The following ZPBP variants were observed in gnomAD, a reference collection of about 807,000 sequenced individuals.
ZPBP encodes the protein zona pellucida binding protein, also known as zona pellucida-binding protein 1.
In ZPBP, 26 loss-of-function variants were observed where a neutral mutation model predicts 44.8. The observed-to-expected ratio is 0.58, with a 90% confidence interval of 0.43 to 0.81. The LOEUF is 0.81. Among genes scored for constraint, ZPBP ranks in the 30% least tolerant of loss-of-function variants. ZPBP has a pLI of 0.00. For synonymous variants in ZPBP, 174 were observed against 153.2 expected (o/e 1.14, Z -1.00); for missense variants, 409 against 434.0 (o/e 0.94, Z 0.51).
chr7:50,071,636 G>GA (rs970043892), intron 3 of ZPBP, among the ~76,000 whole-genome samples: 1 of 152,100 alleles, frequency 6.6e-6, no homozygotes, highest in Non-Finnish European at 1.5e-5. Flanking sequence ...GAGAGGAAAG[G>GA]AAAGAGTGGG....
At chr7:50,002,922 T>C (rs1048343782) in intron 6 of ZPBP, among the ~76,000 whole-genome samples, 1 of 152,178 alleles carries the variant, frequency 6.6e-6, no homozygotes, top group Admixed American at 6.6e-5. Context: ...ATAAAATGAT[T>C]GTTATGTTAC....
In ZPBP at chr7:49,875,807, G is replaced by A. The variant is rs186471912; in HGVS notation, n.510-25293C>T. On this transcript the variant is annotated intron_variant and non_coding_transcript_variant, in intron 2 of 2. Coordinates refer to the ZPBP transcript ENST00000465922. ...ACCAAAAAGTAACCATTTATTGTTAGTATTGGTATTATTATTCCTTTTTGC... is the reference window on the plus strand; with the variant it reads ...ACCAAAAAGTAACCATTTATTGTTAATATTGGTATTATTATTCCTTTTTGC... Among the ~76,000 whole-genome samples the A allele has an allele frequency of 1.4e-3, 215 of 152,278 alleles. 3 individuals carry two copies. Among genetic ancestry groups the A allele is most frequent in the East Asian group, 1.5e-3 (8 of 5,190 alleles).
chr7:49,847,218 T>C (rs1789976090), downstream of ZPBP, among the ~76,000 whole-genome samples: 1 of 148,128 alleles, frequency 6.8e-6, no homozygotes, highest in African/African-American at 2.5e-5. Context: ...CCTATTATAA[T>C]ATAATATAAT....
intron 7 of ZPBP, among the ~76,000 whole-genome samples, chr7:49,950,714 T>C (rs1795304056): frequency 6.6e-6 from 1 of 151,682 alleles, no homozygotes; most frequent in Admixed American, 6.6e-5. Flanking sequence ...AATAAAATAT[T>C]AGAGATTTTT....
intron 6 of ZPBP, among the ~76,000 whole-genome samples, chr7:49,988,906 T>C (rs1327979114): frequency 6.6e-6 from 1 of 152,232 alleles, no homozygotes; most frequent in Non-Finnish European, 1.5e-5. Flanking sequence ...GATCTTTGTT[T>C]TGTTTTTCAG....
chr7:49,879,125 T>C (rs1355628388), intron 2 of ZPBP, among the ~76,000 whole-genome samples: 1 of 152,170 alleles, frequency 6.6e-6, no homozygotes, highest in Non-Finnish European at 1.5e-5. Context: ...TTATCTCCAC[T>C]GCCTTCTTAA....
chr7:50,044,604 C>T (rs1284529814), intron 4 of ZPBP, among the ~76,000 whole-genome samples: 1 of 152,110 alleles, frequency 6.6e-6, no homozygotes, highest in Non-Finnish European at 1.5e-5. Context: ...TACACTCTCC[C>T]AAGACTAAAC....
At chr7:49,871,498 A>G (rs1224993783) in intron 2 of ZPBP, among the ~76,000 whole-genome samples, 2 of 152,216 alleles carry the variant, frequency 1.3e-5, no homozygotes, top group African/African-American at 4.8e-5. Flanking sequence ...TTTGTTACAG[A>G]TGAGTTGGCT....
chr7:50,063,544 A>T (rs1261489331), intron 3 of ZPBP, among the ~76,000 whole-genome samples: 1 of 152,224 alleles, frequency 6.6e-6, no homozygotes, highest in Non-Finnish European at 1.5e-5. Context: ...GCAGATGCCA[A>T]GAATAAGCAA....
chr7:49,871,957 A>ACC (rs1791175696), intron 2 of ZPBP, among the ~76,000 whole-genome samples: 1 of 107,724 alleles, frequency 9.3e-6, no homozygotes, highest in Admixed American at 9.6e-5. Flanking sequence ...ACACACACAC[A>ACC]CCGAGAAAGA....
chr7:49,981,139 T>G (rs1037090234), intron 7 of ZPBP, among the ~76,000 whole-genome samples: 8 of 142,458 alleles, frequency 5.6e-5, no homozygotes, highest in Non-Finnish European at 1.1e-4. Context: ...TATATATATT[T>G]TATATATATA....
intron 7 of ZPBP, among the ~76,000 whole-genome samples, chr7:49,974,037 C>T (rs1339168272): frequency 6.6e-6 from 1 of 151,996 alleles, no homozygotes; most frequent in African/African-American, 2.4e-5. Flanking sequence ...ATAAGCCAGA[C>T]ACAAAAAGAC....
chr7:50,087,145 C>T (rs540146822), intron 2 of ZPBP, among the ~76,000 whole-genome samples: 1 of 152,124 alleles, frequency 6.6e-6, no homozygotes, highest in South Asian at 2.1e-4. Flanking sequence ...CAATCCTTCA[C>T]AAACTCTTCC....
At chr7:49,904,871 G>A (rs563479998) in intron 1 of ZPBP, among the ~76,000 whole-genome samples, 1 of 151,808 alleles carries the variant, frequency 6.6e-6, no homozygotes, top group African/African-American at 2.4e-5. Flanking sequence ...AAGTAGCTTG[G>A]ATTATAGGCA....
chr7:50,015,801 A>G (rs1457185394), intron 6 of ZPBP, among the ~76,000 whole-genome samples: 1 of 152,146 alleles, frequency 6.6e-6, no homozygotes, highest in African/African-American at 2.4e-5. Flanking sequence ...ATGAAAAAGC[A>G]TATGAAAAAA....
chr7:49,908,788 A>G (rs1793241957), intron 1 of ZPBP, among the ~76,000 whole-genome samples: 1 of 152,218 alleles, frequency 6.6e-6, no homozygotes, highest in Non-Finnish European at 1.5e-5. Flanking sequence ...TGTCAAAAAG[A>G]CATGAGAGCT....
intron 3 of ZPBP, among the ~76,000 whole-genome samples, chr7:50,072,209 G>A (rs766697390): frequency 2.0e-5 from 3 of 152,186 alleles, no homozygotes; most frequent in Non-Finnish European, 2.9e-5. Context: ...GTGGTAGTTG[G>A]CAATAATCCC....
chr7:50,083,482 T>A (rs1419951139), intron 2 of ZPBP, among the ~76,000 whole-genome samples: 5 of 152,040 alleles, frequency 3.3e-5, no homozygotes, highest in Non-Finnish European at 1.5e-5. Context: ...AGAAATTATT[T>A]AAGAAGCTCT....
chr7:50,091,808 A>G (rs1269774223), intron 1 of ZPBP, among the ~76,000 whole-genome samples: 2 of 152,234 alleles, frequency 1.3e-5, no homozygotes, highest in African/African-American at 4.8e-5. Context: ...GCAATAAAGC[A>G]TTATACCCAA....
Sources: allele counts gnomAD v4.1 joint callset (sites outside exome capture counted in the v4.1 genomes callset), GRCh38; gene constraint gnomAD v4.1.1; transcripts MANE v1.5; gene names NCBI Gene and HGNC (gene_info 2026-07-23, HGNC 2026-07-21).